IQSEC2: variants seen among roughly 807,000 people sequenced by gnomAD.
The protein encoded by IQSEC2 is IQ motif and Sec7 domain ArfGEF 2, also known as IQ motif and SEC7 domain-containing protein 2.
Under a neutral mutation model 74.6 loss-of-function variants are expected in IQSEC2, and 6 were observed. The ratio of observed to expected loss-of-function variants is 0.08; its 90% CI spans 0.04 to 0.16. The LOEUF (loss-of-function observed/expected upper bound fraction) is 0.16. IQSEC2 is among the 10% of genes least tolerant of loss of function. IQSEC2 has a pLI of 1.00. For synonymous variants in IQSEC2, 494 were observed against 544.5 expected, an observed-to-expected ratio of 0.91 and a Z score of 1.29; for missense variants, 734 against 1,306.2, an observed-to-expected ratio of 0.56 and a Z score of 6.75.
chrX:53,297,623 A>C (rs2075166681), intron 1 of IQSEC2, among the ~76,000 whole-genome samples: 1 of 111,242 alleles, frequency 9.0e-6, no homozygotes, highest in Non-Finnish European at 1.9e-5. Flanking sequence ...CACCGTGCCC[A>C]GCCTGATTAC....
intron 4 of IQSEC2, 101 bp from the exon 5 acceptor site, chrX:53,251,275 A>C: frequency 8.1e-6 from 7 of 866,752 alleles, no homozygotes; most frequent in Admixed American, 2.5e-5. Context: ...GGTAAGGAAA[A>C]AGGGGGAGTC....
chrX:53,226,531 T>C (rs2074039207), downstream of IQSEC2: 1 of 112,806 alleles, frequency 8.9e-6, no homozygotes, highest in Non-Finnish European at 1.9e-5. Context: ...ATATATTGAC[T>C]GAAAAATATG....
intron 2 of IQSEC2, among the ~76,000 whole-genome samples, chrX:53,261,656 CCACACACACACACTCACACA>C (rs1183551125): frequency 2.8e-5 from 3 of 108,683 alleles, no homozygotes; most frequent in African/African-American, 1.0e-4. Flanking sequence ...ACGGACACAA[CCACACACACACACTCACACA>C]CACACACACA....
chrX:53,310,586 G>A (rs1394989305), intron 1 of IQSEC2, among the ~76,000 whole-genome samples: 7 of 110,338 alleles, frequency 6.3e-5, no homozygotes, highest in Non-Finnish European at 1.1e-4. Flanking sequence ...TCATATCATC[G>A]AGCCTCAAAA....
chrX:53,249,777 C>T (rs1363588742), intron 5 of IQSEC2, among the ~76,000 whole-genome samples: 1 of 111,919 alleles, frequency 8.9e-6, no homozygotes, highest in Admixed American at 9.5e-5. Flanking sequence ...AGAGCTTAGT[C>T]ACAGTCACTG....
Position 53,321,209 on chromosome X carries a change from G to GGAGGGGGCCGGCGGGACGC in IQSEC2, c.-105_-87dup, listed in dbSNP as rs1556880421. 1 of 558,745 alleles carries GGAGGGGGCCGGCGGGACGC rather than the reference G, an allele frequency of 1.8e-6. No homozygotes were observed. 46.0% of individuals were successfully genotyped at this position (558,745 alleles called of 1,213,427 possible). Reference sequence around the variant, plus strand: ...CCACCCTCCCCCGGGCCCAGCCGGGGGAGGGGGCCGGCGGGACGCGAGGGC... The same window carrying GGAGGGGGCCGGCGGGACGC: ...CCACCCTCCCCCGGGCCCAGCCGGGGGAGGGGGCCGGCGGGACGCGAGGGGGCCGGCGGGACGCGAGGGC... On this transcript the variant is annotated 5_prime_UTR_variant, in exon 1 of 15. Coordinates refer to ENST00000642864, the MANE Select transcript of IQSEC2 (RefSeq NM_001111125.3).
At chrX:53,299,134 C>A (rs184993406) in intron 1 of IQSEC2, among the ~76,000 whole-genome samples, 1 of 109,951 alleles carries the variant, frequency 9.1e-6, no homozygotes, top group East Asian at 2.8e-4. Context: ...TGGTCTCAGA[C>A]TCCTGGGCTT....
At chrX:53,267,580 C>A (rs2074679310) in intron 2 of IQSEC2, among the ~76,000 whole-genome samples, 1 of 111,502 alleles carries the variant, frequency 9.0e-6, no homozygotes, top group East Asian at 2.8e-4. Flanking sequence ...TTTGGGTGAA[C>A]TTGGCACTAT....
chrX:53,319,030 C>T (rs1845879153), intron 1 of IQSEC2, among the ~76,000 whole-genome samples: 1 of 112,942 alleles, frequency 8.9e-6, no homozygotes. Flanking sequence ...TTAGGGTGTG[C>T]TGCAGTGGAG....
chrX:53,287,412 A>G (rs1257153997), intron 2 of IQSEC2, among the ~76,000 whole-genome samples: 7 of 112,677 alleles, frequency 6.2e-5, no homozygotes, highest in African/African-American at 1.9e-4. Context: ...CTCCAGCCAC[A>G]CGCTCACACA....
intron 2 of IQSEC2, among the ~76,000 whole-genome samples, chrX:53,274,452 C>CT (rs66510453): frequency 0.077 from 3,632 of 47,086 alleles, 1,291 homozygotes; most frequent in East Asian, 0.14. Flanking sequence ...AGTTACATTT[C>CT]TTTTTTTTTT....
intron 1 of IQSEC2, among the ~76,000 whole-genome samples, chrX:53,299,309 C>G (rs1178377297): frequency 5.4e-5 from 6 of 112,033 alleles, no homozygotes; most frequent in Non-Finnish European, 1.1e-4. Flanking sequence ...CACTACCAAG[C>G]TGCTTGGAAA....
intron 2 of IQSEC2, among the ~76,000 whole-genome samples, chrX:53,260,091 T>A (rs2074546590): frequency 9.0e-6 from 1 of 111,677 alleles, no homozygotes; most frequent in Non-Finnish European, 1.9e-5. Context: ...CAAGTAAATA[T>A]ATCCTGCCAT....
chrX:53,228,430 T>C (rs1308756315), downstream of IQSEC2, among the ~76,000 whole-genome samples: 2 of 111,259 alleles, frequency 1.8e-5, no homozygotes, highest in African/African-American at 6.5e-5. Flanking sequence ...GCTGGGGACT[T>C]AAGAATTGGG....
chrX:53,284,552 T>C (rs1310540948), intron 2 of IQSEC2, among the ~76,000 whole-genome samples: 2 of 111,566 alleles, frequency 1.8e-5, no homozygotes, highest in African/African-American at 3.3e-5. Flanking sequence ...GTCAGCTAGA[T>C]GTTGTGCCCT....
At chrX:53,263,952 A>G (rs2074612231) in intron 2 of IQSEC2, among the ~76,000 whole-genome samples, 1 of 112,554 alleles carries the variant, frequency 8.9e-6, no homozygotes, top group Non-Finnish European at 1.9e-5. Context: ...GCAGTTACTC[A>G]GCAGCCACCC....
rs1295190043 is a variant in IQSEC2, at chrX:53,318,872, T to TG, written c.707+1544dup. Among the ~76,000 whole-genome samples the TG allele has an allele frequency of 8.0e-5, 9 of 112,771 alleles. No individual in the cohort carries two copies. The East Asian group carries it at 2.2e-3, about 28-fold the overall frequency. On this transcript the variant is annotated intron_variant, in intron 1 of 14. Coordinates refer to ENST00000642864, the MANE Select transcript of IQSEC2 (RefSeq NM_001111125.3). ...ACCATGACCCTCCCTGAATGGACCTTGGTCTACCTCTGTCCCTCTTCCAGT... is the reference window on the plus strand; with the variant it reads ...ACCATGACCCTCCCTGAATGGACCTTGGGTCTACCTCTGTCCCTCTTCCAGT...
intron 2 of IQSEC2, among the ~76,000 whole-genome samples, chrX:53,269,748 C>T (rs1190986480): frequency 1.8e-5 from 2 of 111,220 alleles, no homozygotes; most frequent in Non-Finnish European, 3.8e-5. Context: ...TGAGGAAGGT[C>T]GCCCAGGCCC....
Position 53,250,496 on chromosome X carries a change from C to G in IQSEC2, c.2080G>C (p.Gly694Arg). ...CEAAGENSDGGDNESLESSSN... is the reference protein window; with the variant it reads ...CEAAGENSDGRDNESLESSSN... ...GAGCTCTCAAGGCTCTCGTTATCTCCACCATCAGAGTTCTCGCCTGCTGCC... is the reference window on the plus strand; with the variant it reads ...GAGCTCTCAAGGCTCTCGTTATCTCGACCATCAGAGTTCTCGCCTGCTGCC... The change falls in exon 5 of 15, where the codon GGA (glycine) becomes CGA (arginine). Residue 694 changes from glycine to arginine, a missense_variant. Around this residue, in one of 12 missense-constraint regions of IQSEC2, gnomAD observed 204 missense variants for 305.4 expected, o/e 0.67. Transcript: ENST00000642864. 8.3e-7 allele frequency: 1 copy of G among 1,211,921 alleles called. No individual in the cohort carries two copies. The highest frequency in any genetic ancestry group is 1.1e-6 in the Non-Finnish European group (1 of 895,476).
Sources: gnomAD v4.1 joint callset for allele counts (sites outside exome capture counted in the v4.1 genomes callset) on GRCh38, gnomAD v4.1.1 for gene constraint, gnomAD v4.1.1 regional missense constraint, MANE v1.5 for transcripts, NCBI Gene and HGNC (gene_info 2026-07-23, HGNC 2026-07-21) for gene names.